LAMA2: variants seen among roughly 807,000 people sequenced by gnomAD.
LAMA2 encodes the protein laminin subunit alpha-2.
Under a neutral mutation model 364.8 loss-of-function variants are expected in LAMA2, and 269 were observed. The observed-to-expected ratio is 0.74, with a 90% confidence interval of 0.67 to 0.82. The LOEUF is 0.82. Among genes scored for constraint, LAMA2 ranks in the 40% least tolerant of loss-of-function variants. The pLI, the probability that LAMA2 is intolerant of heterozygous loss-of-function variation, is 0.00. For missense variants in LAMA2, 3,807 were observed against 3,873.2 expected (o/e 0.98, Z 0.45); for synonymous variants, 1,379 against 1,370.6 (o/e 1.01, Z -0.14).
chr6:129,314,854 CT>C (rs1196253016), intron 24 of LAMA2, 56 bp downstream of exon 24: 1 of 1,592,984 alleles, frequency 6.3e-7, no homozygotes, highest in African/African-American at 1.3e-5. Context: ...CTGCTGGTGT[CT>C]TTTAGTCAGG....
chr6:129,306,343 A>T (rs1275999439), intron 22 of LAMA2, among the ~76,000 whole-genome samples: 1 of 111,354 alleles, frequency 9.0e-6, no homozygotes, highest in Non-Finnish European at 1.7e-5. Flanking sequence ...TGTTCCAGAA[A>T]GGTGTTTTTT....
chr6:129,181,902 A>G (rs1348437213), intron 10 of LAMA2, among the ~76,000 whole-genome samples: 1 of 151,794 alleles, frequency 6.6e-6, no homozygotes, highest in Non-Finnish European at 1.5e-5. Flanking sequence ...CAAGACAAAG[A>G]GAAAAATATT....
chr6:129,179,061 A>G (rs938823350), intron 10 of LAMA2, among the ~76,000 whole-genome samples: 2 of 152,054 alleles, frequency 1.3e-5, no homozygotes, highest in African/African-American at 4.8e-5. Flanking sequence ...ATTTCATTCC[A>G]ATATTATCTG....
intron 1 of LAMA2, among the ~76,000 whole-genome samples, chr6:128,927,679 A>G (rs1779182821): frequency 6.6e-6 from 1 of 151,942 alleles, no homozygotes; most frequent in South Asian, 2.1e-4. Flanking sequence ...CCAGGTGTAA[A>G]CCATTAGATT....
At position 129,135,038 on chromosome 6, in the gene LAMA2, A is replaced by C. The variant is rs79455967; in HGVS notation, c.640-8863A>C. Among the ~76,000 whole-genome samples, 81 of 152,242 alleles carry C rather than the reference A, an allele frequency of 5.3e-4. 2 individuals carry two copies. Among genetic ancestry groups the C allele is most frequent in the Middle Eastern group, 3.4e-3 (1 of 294 alleles). On this transcript the variant is annotated intron_variant, in intron 4 of 64. Coordinates refer to ENST00000421865, the MANE Select transcript of LAMA2 (RefSeq NM_000426.4). Reference sequence around the variant, plus strand: ...CGTCGGATCCCATGACAGGTCCTACATGGTGACCTAGGGCACGGTAAAAAG... The same window carrying C: ...CGTCGGATCCCATGACAGGTCCTACCTGGTGACCTAGGGCACGGTAAAAAG...
rs554296071 is a variant in LAMA2, at chr6:128,925,473, G to T, written c.112+42116G>T. On this transcript the variant is annotated intron_variant, in intron 1 of 64. Coordinates refer to ENST00000421865, the MANE Select transcript of LAMA2 (RefSeq NM_000426.4). ...GTAGTCAGAATCATAGAGACAGAAA[G>T]TATAATGGTGATTACTAGCGGCTGC... is the stretch of plus-strand genomic sequence containing the variant. 1.9e-3 allele frequency among the ~76,000 whole-genome samples: 289 copies of T among 152,282 alleles called. 2 individuals carry two copies. Among genetic ancestry groups the T allele is most frequent in the African/African-American group, 6.6e-3 (273 of 41,564 alleles).
At chr6:129,249,434 A>G (rs1786014363) in intron 12 of LAMA2, among the ~76,000 whole-genome samples, 1 of 152,136 alleles carries the variant, frequency 6.6e-6, no homozygotes, top group Non-Finnish European at 1.5e-5. Flanking sequence ...GAAAATGTAA[A>G]CCTCAAGTGT....
At position 129,365,449 on chromosome 6, in the gene LAMA2, G is replaced by A. The variant is rs775279858; in HGVS notation, c.4718-770G>A. Among the ~76,000 whole-genome samples, 5 of 152,086 alleles carry A rather than the reference G, an allele frequency of 3.3e-5. No homozygotes were observed. In the East Asian group the frequency reaches 5.8e-4, roughly 18 times the overall value. On this transcript the variant is annotated intron_variant, in intron 32 of 64. Transcript: ENST00000421865. ...GCAATCTTGGCTCACTGCAACCTCC[G>A]CCTCCCAGTTTCAAGTGATTCTCCT...
chr6:128,956,839 C>A (rs1781182248), intron 1 of LAMA2, among the ~76,000 whole-genome samples: 2 of 151,748 alleles, frequency 1.3e-5, no homozygotes, highest in South Asian at 4.2e-4. Flanking sequence ...ACACCAAAAT[C>A]GAATGATGGT....
intron 41 of LAMA2, among the ~76,000 whole-genome samples, chr6:129,430,917 T>C (rs184969714): frequency 9.2e-5 from 14 of 152,210 alleles, no homozygotes; most frequent in South Asian, 2.1e-4. Context: ...CATTTTCTCA[T>C]GGAATGTGTA....
intron 21 of LAMA2, among the ~76,000 whole-genome samples, chr6:129,298,638 G>A (rs1195920016): frequency 6.6e-6 from 1 of 152,128 alleles, no homozygotes; most frequent in Non-Finnish European, 1.5e-5. Context: ...CCTGGATAAT[G>A]CTCACATACT....
At chr6:129,454,823 T>A (rs146798932) in intron 47 of LAMA2, among the ~76,000 whole-genome samples, 20 of 152,292 alleles carry the variant, frequency 1.3e-4, no homozygotes, top group African/African-American at 4.8e-4. Flanking sequence ...TCTAGTACCA[T>A]ATAGATTACT....
intron 58 of LAMA2, among the ~76,000 whole-genome samples, chr6:129,495,065 G>A (rs1057018854): frequency 2.6e-5 from 4 of 152,110 alleles, no homozygotes; most frequent in African/African-American, 9.7e-5. Flanking sequence ...TTAATGCATG[G>A]GTTCCTTTTA....
At chr6:129,047,276 T>C (rs1359852686) in intron 1 of LAMA2, among the ~76,000 whole-genome samples, 1 of 152,230 alleles carries the variant, frequency 6.6e-6, no homozygotes, top group Admixed American at 6.5e-5. Context: ...TAATACTTTA[T>C]GAATGTTTAA....
Position 129,447,365 on chromosome 6 carries a change from TG to T in LAMA2, c.6429+1548del, listed in dbSNP as rs200765242. Among the ~76,000 whole-genome samples the T allele has an allele frequency of 9.0e-3, 1,377 of 152,236 alleles. 19 individuals are homozygous for T. Among genetic ancestry groups the T allele is most frequent in the Admixed American group, 0.024 (374 of 15,290 alleles). ...GCCAGGCATTGAGGTGGGATAGTGC[TG>T]GGGAGTTGGGGGTGGAGTCAGGTAA... On this transcript the variant is annotated intron_variant, in intron 45 of 64. Transcript: ENST00000421865.
intron 52 of LAMA2, 119 bp from the exon 53 acceptor site, chr6:129,475,271 C>A: frequency 1.6e-6 from 1 of 643,740 alleles, no homozygotes; most frequent in Non-Finnish European, 2.6e-6. Flanking sequence ...TTTGTAGATC[C>A]CTGTGAAATG....
chr6:129,510,224 C>T (rs866125639), intron 62 of LAMA2, among the ~76,000 whole-genome samples: 1 of 152,144 alleles, frequency 6.6e-6, no homozygotes. Flanking sequence ...CCTAAAGACC[C>T]CACCAAAAAA....
intron 1 of LAMA2, among the ~76,000 whole-genome samples, chr6:129,017,221 G>T (rs1785136060): frequency 6.6e-6 from 1 of 151,880 alleles, no homozygotes; most frequent in Admixed American, 6.6e-5. Flanking sequence ...CTCAATGTCT[G>T]TTGGATTTAT....
chr6:129,366,172 G>T (rs367844060), intron 32 of LAMA2, 47 bp from the exon 33 acceptor site: 11 of 1,596,136 alleles, frequency 6.9e-6, no homozygotes, highest in Middle Eastern at 1.7e-4. Flanking sequence ...ACATCTGCCT[G>T]GGATGTTTAG....
Sources: gnomAD v4.1 joint callset for allele counts (sites outside exome capture counted in the v4.1 genomes callset) on GRCh38, gnomAD v4.1.1 for gene constraint, MANE v1.5 for transcripts, NCBI Gene and HGNC (gene_info 2026-07-23, HGNC 2026-07-21) for gene names.